MYO7B: variants seen among roughly 807,000 people sequenced by gnomAD.
The protein encoded by MYO7B is unconventional myosin-VIIb.
A neutral mutation model predicts 259.7 loss-of-function variants in MYO7B; 212 were observed. The ratio of observed to expected loss-of-function variants is 0.82; its 90% CI spans 0.73 to 0.91. MYO7B has a LOEUF of 0.91. Among genes scored for constraint, MYO7B ranks in the 40% least tolerant of loss-of-function variants. The pLI, the probability that MYO7B is intolerant of heterozygous loss-of-function variation, is 0.00. For missense variants in MYO7B, 2,732 were observed against 2,813.5 expected (o/e 0.97, Z 0.66); for synonymous variants, 1,197 against 1,166.4 (o/e 1.03, Z -0.54).
rs771892157 is a variant in MYO7B, at chr2:127,578,275, TG to T, written c.996del (p.Phe333SerfsTer14). ...GCTGCCATTCTCCACCTGGGGAATGTGGGGTTCATGGGTAATGCCGGTTCTG... is the reference window on the plus strand; with the variant it reads ...GCTGCCATTCTCCACCTGGGGAATGTGGGTTCATGGGTAATGCCGGTTCTG... ...LLAAILHLGNVGFMASVFENL... is the reference protein window; with the variant it reads ...LLAAILHLGNXGFMASVFENL... On this transcript the variant is annotated frameshift_variant, in exon 9 of 48. Coordinates refer to ENST00000409816, the MANE Select transcript of MYO7B (RefSeq NM_001393586.1). LOFTEE classifies it high-confidence loss of function. 116 of 1,612,474 alleles carry T rather than the reference TG, an allele frequency of 7.2e-5. No homozygotes were observed. The highest frequency in any genetic ancestry group is 9.6e-5 in the Non-Finnish European group (113 of 1,179,656).
Position 127,590,145 on chromosome 2 carries a change from T to A in MYO7B, c.1908T>A (p.Ser636=), listed in dbSNP as rs764182303. Reference sequence around the variant, plus strand: ...CCTTAGGAAGCCAGTTCAAACAGTCTCTGGACCAGCTGATGAAAATCCTGA... The same window carrying A: ...CCTTAGGAAGCCAGTTCAAACAGTCACTGGACCAGCTGATGAAAATCCTGA... ...PSTLGSQFKQ[S]LDQLMKILTN... is the part of the protein sequence containing the mutation. The change falls in exon 16 of 48, where the codon TCT becomes TCA. Residue 636 remains serine (S), a synonymous_variant. Transcript: ENST00000409816. The surrounding 1 kb of genome is among the most constrained non-coding windows in gnomAD (Gnocchi z 4.6). 3.1e-6 allele frequency: 5 copies of A among 1,610,104 alleles called. No individual in the cohort carries two copies. The highest frequency in any genetic ancestry group is 4.2e-6 in the Non-Finnish European group (5 of 1,178,776).
intron 6 of MYO7B, among the ~76,000 whole-genome samples, chr2:127,571,442 GTTT>G: frequency 9.5e-5 from 4 of 41,982 alleles, no homozygotes; most frequent in Admixed American, 3.4e-4. Context: ...TTACCAGTGA[GTTT>G]TTTTTTTTTT....
rs1678861877 is a variant in MYO7B, at chr2:127,576,259, C to T, written c.736-336C>T. 6.6e-6 allele frequency among the ~76,000 whole-genome samples: 1 copy of T among 152,022 alleles called. No homozygotes were observed. Reference sequence around the variant, plus strand: ...CGTGGCTGTCAGATCTCTCGTGGGCCACTAAGTGCCTGTGAAGACTGTGGG... The same window carrying T: ...CGTGGCTGTCAGATCTCTCGTGGGCTACTAAGTGCCTGTGAAGACTGTGGG... On this transcript the variant is annotated intron_variant, in intron 7 of 47. Transcript: ENST00000409816. The surrounding 1 kb of genome is among the most constrained non-coding windows in gnomAD (Gnocchi z 4.9).
intron 6 of MYO7B, among the ~76,000 whole-genome samples, chr2:127,570,426 G>A (rs1678550071): frequency 6.6e-6 from 1 of 152,200 alleles, no homozygotes; most frequent in African/African-American, 2.4e-5. Context: ...CCAGATCTAA[G>A]TCTTGGCCAA....
In MYO7B at chr2:127,623,571, A is replaced by G. The variant is rs1440916973; in HGVS notation, c.3819+196A>G. 5.3e-5 allele frequency among the ~76,000 whole-genome samples: 8 copies of G among 151,682 alleles called. No homozygotes were observed. In the South Asian group the frequency reaches 6.3e-4, roughly 12 times the overall value. On this transcript the variant is annotated intron_variant, in intron 29 of 47. Transcript: ENST00000409816. ...CAGAGCAAACAGCCTTTCCTCCCGC[A>G]CTCATATGGTCACCTTGCAGCTGCG...
chr2:127,552,594 G>A (rs1693486548), intron 1 of MYO7B, among the ~76,000 whole-genome samples: 1 of 152,176 alleles, frequency 6.6e-6, no homozygotes, highest in Non-Finnish European at 1.5e-5. Context: ...GGAATGGCAG[G>A]ACCAACATGG....
At chr2:127,545,520 G>A (rs925512217) in intron 1 of MYO7B, among the ~76,000 whole-genome samples, 29 of 152,214 alleles carry the variant, frequency 1.9e-4, no homozygotes, top group Non-Finnish European at 4.4e-5. Context: ...ACAAGTCGGG[G>A]AAAATGAAAT....
At chr2:127,547,556 A>G (rs993836215) in intron 1 of MYO7B, among the ~76,000 whole-genome samples, 53 of 152,222 alleles carry the variant, frequency 3.5e-4, no homozygotes, top group African/African-American at 1.3e-3. Context: ...GCAGGCTATG[A>G]TGCTGAAGAT....
rs1399010098 is a variant in MYO7B, at chr2:127,584,868, T to C, written c.1645T>C (p.Phe549Leu). The change falls in exon 14 of 48, where the codon TTT becomes CTT. Residue 549 changes from phenylalanine to leucine, a missense_variant. Coordinates refer to ENST00000409816, the MANE Select transcript of MYO7B (RefSeq NM_001393586.1). This position sits in a 1 kb window ranked among gnomAD's most constrained non-coding sequence, Gnocchi z 5.8. Reference protein sequence around the residue: ...LQPKNIHDARFGIAHFAGEVY... With the variant: ...LQPKNIHDARLGIAHFAGEVY... Reference sequence around the variant, plus strand: ...GCCCAAGAACATCCACGATGCCAGATTTGGCATTGCCCATTTTGCCGGCGA... The same window carrying C: ...GCCCAAGAACATCCACGATGCCAGACTTGGCATTGCCCATTTTGCCGGCGA... 1 of 1,613,882 alleles carries C rather than the reference T, an allele frequency of 6.2e-7. No homozygotes were observed.
At chr2:127,570,367 G>A (rs1245239306) in intron 6 of MYO7B, among the ~76,000 whole-genome samples, 2 of 152,292 alleles carry the variant, frequency 1.3e-5, no homozygotes, top group South Asian at 2.1e-4. Flanking sequence ...GCTTATGAAC[G>A]GGAAAAAGAG....
intron 40 of MYO7B, among the ~76,000 whole-genome samples, chr2:127,633,790 A>T (rs1681645759): frequency 6.6e-6 from 1 of 152,162 alleles, no homozygotes; most frequent in Admixed American, 6.5e-5. Context: ...CCACCGTGAC[A>T]CAGAGGCCTT....
rs760400380 is a variant in MYO7B at position 127,629,779 on chromosome 2, T to C, written c.4759T>C (p.Cys1587Arg). ...TGKTGLVPMA[C>R]LYTIPTVTKP... ...CAAGACGGGGCTGGTGCCCATGGCC[T>C]GCCTCTACACCATCCCCACGGTCAC... Residue 1587 changes from cysteine to arginine, a missense_variant, in exon 35 of 48, where the codon TGC becomes CGC. Physicochemically the swap from Cys to Arg is radical, Grantham distance 180. This residue lies in a region of MYO7B where 821 missense variants were observed against 769.3 expected (regional missense o/e 1.07). Transcript: ENST00000409816. The C allele has an allele frequency of 3.1e-6, 5 of 1,607,430 alleles. No individual in the cohort carries two copies. In the East Asian group the frequency reaches 1.1e-4, roughly 36 times the overall value.
chr2:127,628,627 C>A lies in MYO7B; in HGVS notation c.4624+92C>A. The A allele has an allele frequency of 7.5e-7, 1 of 1,326,604 alleles. No individual in the cohort carries two copies. Among genetic ancestry groups the A allele is most frequent in the South Asian group, 1.4e-5 (1 of 71,368 alleles). 82.2% of individuals were successfully genotyped at this position (1,326,604 alleles called of 1,614,324 possible). On this transcript the variant is annotated intron_variant, in intron 34 of 47. Coordinates refer to ENST00000409816, the MANE Select transcript of MYO7B (RefSeq NM_001393586.1). This position sits in a 1 kb window ranked among gnomAD's most constrained non-coding sequence, Gnocchi z 4.8. ...GGTAGGTGGCATGCTCATCTCCACA[C>A]AGCAGCCACAAGGCAAGCAGAGGGA...
chr2:127,602,999 CAAA>C (rs1176015695), intron 19 of MYO7B, among the ~76,000 whole-genome samples: 2 of 120,604 alleles, frequency 1.7e-5, no homozygotes. Context: ...GACCTTGTCT[CAAA>C]AAAAAAAAAA....
chr2:127,557,466 TA>T (rs911296843), intron 1 of MYO7B, among the ~76,000 whole-genome samples: 2 of 152,044 alleles, frequency 1.3e-5, no homozygotes, highest in African/African-American at 4.8e-5. Flanking sequence ...TTGGGGGTTT[TA>T]AAAAAACCCT....
intron 40 of MYO7B, 85 bp from the exon 41 acceptor site, chr2:127,634,091 A>C (rs1232351656): frequency 1.8e-6 from 2 of 1,125,614 alleles, no homozygotes; most frequent in Non-Finnish European, 2.6e-6. Context: ...ATGAAGGAGC[A>C]AAAGTGCCAG....
Position 127,584,033 on chromosome 2 carries a change from G to T in MYO7B, c.1344-89G>T. The T allele has an allele frequency of 8.1e-7, 1 of 1,237,966 alleles. No homozygotes were observed. Among genetic ancestry groups the T allele is most frequent in the South Asian group, 1.4e-5 (1 of 73,516 alleles). The allele number at this position is 1,237,966 out of a possible 1,614,324, so 76.7% of individuals were successfully genotyped here. On this transcript the variant is annotated intron_variant, in intron 12 of 47. Transcript: ENST00000409816. The surrounding 1 kb of genome is among the most constrained non-coding windows in gnomAD (Gnocchi z 5.8). ...GCATATCTGTATGCAGCTGTTTGCA[G>T]ATGGCTGGTGATCCTATGGCTCCAG... is the stretch of plus-strand genomic sequence containing the variant.
rs767126646 is a variant in MYO7B at position 127,581,872 on chromosome 2, C to G, written c.1081-19C>G. 6.2e-7 allele frequency: 1 copy of G among 1,613,042 alleles called. No homozygotes were observed. Among genetic ancestry groups the G allele is most frequent in the Non-Finnish European group, 8.5e-7 (1 of 1,179,710 alleles). ...GCCCTGCTCCACAGGTGCGACGCAG[C>G]CCCCACCTGCCTCCCCAGGTGCAGC... On this transcript the variant is annotated intron_variant, in intron 10 of 47. Transcript: ENST00000409816.
intron 26 of MYO7B, 111 bp downstream of exon 26, chr2:127,612,714 C>T (rs532378668): frequency 1.9e-5 from 28 of 1,454,304 alleles, no homozygotes; most frequent in Middle Eastern, 2.5e-4. Flanking sequence ...CCTTGTCCTG[C>T]GGCCTGCAGG....
Sources: gnomAD v4.1 joint callset for allele counts (sites outside exome capture counted in the v4.1 genomes callset) on GRCh38, gnomAD v4.1.1 for gene constraint, gnomAD v4.1.1 regional missense constraint, Gnocchi (gnomAD v3.1) non-coding constraint, MANE v1.5 for transcripts, NCBI Gene and HGNC (gene_info 2026-07-23, HGNC 2026-07-21) for gene names.